Variants in PABIR2 observed in about 807,000 individuals in gnomAD.
The protein encoded by PABIR2 is family with sequence similarity 122B.
A neutral mutation model predicts 22.8 loss-of-function variants in PABIR2; 7 were observed. That is an observed-to-expected ratio of 0.31 (90% CI 0.17 to 0.58). PABIR2 has a LOEUF of 0.58. Among genes scored for constraint, PABIR2 ranks in the 20% least tolerant of loss-of-function variants. PABIR2 has a pLI of 0.89. For missense variants in PABIR2, 155 were observed against 205.1 expected, an observed-to-expected ratio of 0.76 and a Z score of 1.49; for synonymous variants, 67 against 73.8, an observed-to-expected ratio of 0.91 and a Z score of 0.47.
At chrX:134,785,827 A>G in intron 8 of PABIR2, 59 bp downstream of exon 8, 1 of 1,067,634 alleles carries the variant, frequency 9.4e-7, no homozygotes, top group Non-Finnish European at 1.3e-6. Context: ...CTACTTTCTT[A>G]GCAAATTTCA....
intron 8 of PABIR2, among the ~76,000 whole-genome samples, chrX:134,782,529 A>C (rs771352830): frequency 9.4e-6 from 1 of 106,264 alleles, no homozygotes; most frequent in African/African-American, 3.3e-5. Context: ...TTGCTAATAG[A>C]AAAACTTTGC....
chrX:134,791,199 TA>T (rs1165604991), intron 2 of PABIR2, among the ~76,000 whole-genome samples: 8 of 101,735 alleles, frequency 7.9e-5, no homozygotes, highest in East Asian at 3.0e-4. Flanking sequence ...TGTGTCGGCT[TA>T]AAAAAAAAAA....
intron 9 of PABIR2, among the ~76,000 whole-genome samples, chrX:134,776,189 CAT>C (rs34704844): frequency 0.073 from 8,161 of 111,233 alleles, 744 homozygotes; most frequent in African/African-American, 0.25. Context: ...GTACTTGTCA[CAT>C]ATTCATGATG....
intron 8 of PABIR2, among the ~76,000 whole-genome samples, chrX:134,784,354 AC>A (rs1377940563): frequency 7.3e-5 from 8 of 108,930 alleles, no homozygotes; most frequent in Non-Finnish European, 3.8e-5. Flanking sequence ...AATCCCAGCT[AC>A]TCGGGAGACT....
chrX:134,771,726 G>A lies in PABIR2; in HGVS notation c.*413C>T. 1 of 794,196 alleles carries A rather than the reference G, an allele frequency of 1.3e-6. No homozygotes were observed. Among genetic ancestry groups the A allele is most frequent in the Non-Finnish European group, 1.5e-6 (1 of 666,710 alleles). The allele number at this position is 794,196 out of a possible 1,213,427, so 65.5% of individuals were successfully genotyped here. A position where few individuals can be genotyped will look rare whatever the true frequency, so the allele number is the denominator to read the frequency against. Reference sequence around the variant, plus strand: ...ATTTGAAACTATGTAGTCAACAGAGGACAAAAAAAAATCTCTCAAGCAAGA... The same window carrying A: ...ATTTGAAACTATGTAGTCAACAGAGAACAAAAAAAAATCTCTCAAGCAAGA... On this transcript the variant is annotated 3_prime_UTR_variant, in exon 10 of 10. Coordinates refer to ENST00000343004, the MANE Select transcript of PABIR2 (RefSeq NM_001387468.1).
intron 2 of PABIR2, among the ~76,000 whole-genome samples, chrX:134,790,863 C>A (rs756897998): frequency 2.7e-5 from 3 of 112,597 alleles, no homozygotes; most frequent in African/African-American, 6.4e-5. Context: ...TGAGCCACTG[C>A]GCCCAGCCAC....
chrX:134,775,064 G>A (rs1569421593), intron 9 of PABIR2, among the ~76,000 whole-genome samples: 2 of 112,273 alleles, frequency 1.8e-5, no homozygotes, highest in African/African-American at 6.5e-5. Context: ...CTTAAGCTCT[G>A]ATGGAAGTGC....
At chrX:134,779,056 C>T (rs2079084818) in intron 9 of PABIR2, among the ~76,000 whole-genome samples, 1 of 111,292 alleles carries the variant, frequency 9.0e-6, no homozygotes, top group Admixed American at 9.5e-5. Context: ...CCTCGTGATC[C>T]ACCTGCCTCA....
chrX:134,777,524 C>CAA (rs1177263144), intron 9 of PABIR2, among the ~76,000 whole-genome samples: 6 of 29,528 alleles, frequency 2.0e-4, no homozygotes, highest in Non-Finnish European at 3.5e-4. Context: ...GATCTTGTAT[C>CAA]AAAAAAAAAA....
At position 134,772,234 on chromosome X, in the gene PABIR2, G is replaced by C. The variant is rs1324069973; in HGVS notation, c.709C>G (p.Pro237Ala). ...SSSSSGLSSD[P>A]LAKGSATAES... ...GCGGTAGCGCTGCCTTTAGCCAGCG[G>C]GTCTGAGGATAAGCCACTGCTGCTA... is the stretch of plus-strand genomic sequence containing the variant. The change falls in exon 10 of 10, where the codon CCG becomes GCG. Residue 237 changes from proline to alanine, a missense_variant. Pro to Ala is a conservative substitution (Grantham distance 27). Transcript: ENST00000343004. The C allele has an allele frequency of 8.3e-7, 1 of 1,202,418 alleles. No individual in the cohort carries two copies. Among genetic ancestry groups the C allele is most frequent in the South Asian group, 1.8e-5 (1 of 55,620 alleles).
chrX:134,786,933 G>C (rs1347209255), intron 7 of PABIR2, among the ~76,000 whole-genome samples: 1 of 110,586 alleles, frequency 9.0e-6, no homozygotes, highest in Non-Finnish European at 1.9e-5. Flanking sequence ...CCTGGCGACA[G>C]AGTGAGATTC....
At position 134,796,700 on chromosome X, in the gene PABIR2, G is replaced by A. The variant is rs989397097; in HGVS notation, c.-495C>T. 1.8e-5 allele frequency: 2 copies of A among 112,441 alleles called. No homozygotes were observed. The highest frequency in any genetic ancestry group is 6.7e-5 in the African/African-American group (2 of 29,695). 9.3% of individuals were successfully genotyped at this position (112,441 alleles called of 1,213,427 possible). The stretch of plus-strand genomic sequence containing the variant: ...AAGAAGCGCAGGGGCGGGAAAGAAG[G>A]AGGTGGTCTGGGAAGAGGAGAGAGG... On this transcript the variant is annotated 5_prime_UTR_variant, in exon 1 of 10. Transcript: ENST00000343004.
intron 8 of PABIR2, among the ~76,000 whole-genome samples, chrX:134,783,861 C>T (rs1405485320): frequency 9.2e-6 from 1 of 108,678 alleles, no homozygotes; most frequent in Non-Finnish European, 1.9e-5. Context: ...TCACTTGAGG[C>T]CAGGAGTTTG....
At position 134,771,679 on chromosome X, in the gene PABIR2, TATC is replaced by T. The variant is rs765466545; in HGVS notation, c.*457_*459del. 3.3e-5 allele frequency: 26 copies of T among 784,193 alleles called. No homozygotes were observed. The highest frequency in any genetic ancestry group is 6.8e-4 in the Middle Eastern group (1 of 1,476). The allele number at this position is 784,193 out of a possible 1,213,427, so 64.6% of individuals were successfully genotyped here. A position where few individuals can be genotyped will look rare whatever the true frequency, so the allele number is the denominator to read the frequency against. ...TTAATATAATTAAAAGCAATTTATA[TATC>T]ATCATGAAATAAAGAGAGATTTGAA... On this transcript the variant is annotated 3_prime_UTR_variant, in exon 10 of 10. Transcript: ENST00000343004.
rs1169910223 is a variant in PABIR2 at position 134,788,924 on chromosome X, A to G, written c.334-93T>C. On this transcript the variant is annotated intron_variant, in intron 5 of 9. Transcript: ENST00000343004. ...ACACACCCAGATTTTCCAAGGAGAA[A>G]GGTATAGACTCTAATATTCTGCTGG... 6 of 993,223 alleles carry G rather than the reference A, an allele frequency of 6.0e-6. No homozygotes were observed. In the African/African-American group the frequency reaches 1.2e-4, roughly 19 times the overall value. The allele number at this position is 993,223 out of a possible 1,213,427, so 81.9% of individuals were successfully genotyped here.
At chrX:134,785,199 C>T (rs1288740869) in intron 8 of PABIR2, among the ~76,000 whole-genome samples, 1 of 111,554 alleles carries the variant, frequency 9.0e-6, no homozygotes, top group Non-Finnish European at 1.9e-5. Flanking sequence ...GCACAGCAAA[C>T]ATTTGGAAGA....
At chrX:134,774,889 A>G (rs2078927236) in intron 9 of PABIR2, among the ~76,000 whole-genome samples, 1 of 111,996 alleles carries the variant, frequency 8.9e-6, no homozygotes, top group Non-Finnish European at 1.9e-5. Context: ...CAAATCACTC[A>G]TTGTTATTCT....
At position 134,796,129 on chromosome X, in the gene PABIR2, G is replaced by A; in HGVS notation, c.77C>T (p.Ala26Val). The change falls in exon 1 of 10, where the codon GCT becomes GTT. Residue 26 changes from alanine (A) to valine (V), a missense_variant. Coordinates refer to ENST00000343004, the MANE Select transcript of PABIR2 (RefSeq NM_001387468.1). ...TCACCTGAGCCCATGGATTAGGGGA[G>A]CGCTGCTGGATCTCCTCAGGGTTCC... The part of the protein sequence containing the change: ...YGGTLRRSSS[A>V]PLIHGLSDLS... 1 of 1,211,001 alleles carries A rather than the reference G, an allele frequency of 8.3e-7. No homozygotes were observed.
rs768666409 is a variant in PABIR2 at position 134,772,121 on chromosome X, G to A, written c.*18C>T. 5 of 1,177,259 alleles carry A rather than the reference G, an allele frequency of 4.2e-6. No homozygotes were observed. Among genetic ancestry groups the A allele is most frequent in the Non-Finnish European group, 2.3e-6 (2 of 875,306 alleles). On this transcript the variant is annotated 3_prime_UTR_variant, in exon 10 of 10. Coordinates refer to ENST00000343004, the MANE Select transcript of PABIR2 (RefSeq NM_001387468.1). The stretch of plus-strand genomic sequence containing the variant: ...TGTAGGAAACAGCAGTTAAAACGTT[G>A]AATCAGAAATGGTTAAGTCACTTGG...
Sources: allele counts gnomAD v4.1 joint callset (sites outside exome capture counted in the v4.1 genomes callset), GRCh38; gene constraint gnomAD v4.1.1; transcripts MANE v1.5; gene names NCBI Gene and HGNC (gene_info 2026-07-23, HGNC 2026-07-21).